Variants in AGBL4 observed in about 807,000 individuals in gnomAD.
AGBL4 encodes the protein cytosolic carboxypeptidase 6.
AGBL4 carries 58 observed loss-of-function variants against 66.4 expected under a neutral mutation model. The observed-to-expected ratio is 0.87, with a 90% CI of 0.71 to 1.09. The LOEUF (loss-of-function observed/expected upper bound fraction) is 1.09, where lower values mean the gene tolerates loss of function less well. Among genes scored for constraint, AGBL4 ranks in the 50% least tolerant of loss-of-function variants. The probability of loss-of-function intolerance (pLI) is 0.00; values close to 1 mark genes in which losing one functional copy is unlikely to be tolerated. For synonymous variants in AGBL4, 234 were observed against 222.9 expected (o/e 1.05, Z -0.44); for missense variants, 579 against 631.0 (o/e 0.92, Z 0.88).
intron 3 of AGBL4, among the ~76,000 whole-genome samples, chr1:49,262,747 C>T (rs956206154): frequency 5.6e-4 from 86 of 152,250 alleles, no homozygotes; most frequent in African/African-American, 1.1e-3. Flanking sequence ...GTCAGTGTGG[C>T]GATTCCTCAG....
chr1:48,797,194 T>TTTCTA (rs1645701207), intron 6 of AGBL4, among the ~76,000 whole-genome samples: 1 of 152,230 alleles, frequency 6.6e-6, no homozygotes, highest in South Asian at 2.1e-4. Flanking sequence ...TTCAGAATCC[T>TTTCTA]TTCTAATTAA....
intron 2 of AGBL4, among the ~76,000 whole-genome samples, chr1:49,835,677 C>T (rs1236520483): frequency 2.6e-5 from 4 of 152,132 alleles, no homozygotes; most frequent in Non-Finnish European, 5.9e-5. Flanking sequence ...CAATGGTCTT[C>T]ACAATTTGGT....
At chr1:48,852,015 C>CTTTTT (rs138826187) in intron 6 of AGBL4, among the ~76,000 whole-genome samples, 9 of 71,926 alleles carry the variant, frequency 1.3e-4, no homozygotes, top group East Asian at 3.8e-4. Context: ...CAGATACGTA[C>CTTTTT]TTTTTTTTTT....
chr1:49,432,819 A>G (rs954314494), intron 3 of AGBL4, among the ~76,000 whole-genome samples: 4 of 152,132 alleles, frequency 2.6e-5, no homozygotes, highest in African/African-American at 9.7e-5. Context: ...TTAATGATTG[A>G]TGGTCTAGAG....
At chr1:49,575,038 T>TA (rs1451812402) in intron 3 of AGBL4, among the ~76,000 whole-genome samples, 1 of 152,122 alleles carries the variant, frequency 6.6e-6, no homozygotes, top group African/African-American at 2.4e-5. Flanking sequence ...CTCACTACAT[T>TA]ACTGACAATT....
chr1:49,066,679 G>T (rs1644498181), intron 4 of AGBL4, among the ~76,000 whole-genome samples: 1 of 152,192 alleles, frequency 6.6e-6, no homozygotes, highest in Admixed American at 6.5e-5. Context: ...TTCTGGCTAA[G>T]TTTTAATCAG....
At chr1:48,919,562 C>CAAAG (rs1169029608) in intron 5 of AGBL4, among the ~76,000 whole-genome samples, 1 of 152,108 alleles carries the variant, frequency 6.6e-6, no homozygotes, top group Non-Finnish European at 1.5e-5. Flanking sequence ...ATGCACAGGT[C>CAAAG]AAAGAAAGAA....
rs548122074 is a variant in AGBL4, at chr1:49,987,945, C to A, written c.34+35818G>T. Among the ~76,000 whole-genome samples the A allele has an allele frequency of 3.3e-5, 5 of 150,004 alleles. 1 individual carries two copies. The highest frequency in any genetic ancestry group is 4.2e-4 in the South Asian group (2 of 4,774). On this transcript the variant is annotated intron_variant, in intron 1 of 13. Coordinates refer to ENST00000371839, the MANE Select transcript of AGBL4 (RefSeq NM_032785.4). ...ACACAAAGTACTGAAAAAACATGTA[C>A]GAATTTAACCAAAAAAAAAAACCCC...
chr1:49,372,611 CTTTCTT>C (rs1207462564), intron 3 of AGBL4, among the ~76,000 whole-genome samples: 843 of 9,938 alleles, frequency 0.085, 9 homozygotes, highest in Non-Finnish European at 0.12. Flanking sequence ...TTTTCTTTTT[CTTTCTT>C]TCTTTCTTTC....
chr1:48,695,180 G>A (rs1646695288), intron 6 of AGBL4, among the ~76,000 whole-genome samples: 1 of 152,186 alleles, frequency 6.6e-6, no homozygotes, highest in African/African-American at 2.4e-5. Flanking sequence ...CCTGCTGGAA[G>A]GTGTCTGCTT....
chr1:49,859,826 G>A (rs765587322), intron 1 of AGBL4, among the ~76,000 whole-genome samples: 8 of 151,878 alleles, frequency 5.3e-5, no homozygotes, highest in South Asian at 4.1e-4. Flanking sequence ...CAACAGAATT[G>A]TCTAGAGAAA....
intron 4 of AGBL4, among the ~76,000 whole-genome samples, chr1:49,239,857 G>C (rs929911917): frequency 6.6e-6 from 1 of 152,120 alleles, no homozygotes; most frequent in South Asian, 2.1e-4. Context: ...ATAATATATT[G>C]TAGTTTGCTG....
At position 49,865,217 on chromosome 1, in the gene AGBL4, G is replaced by A. The variant is rs568571068; in HGVS notation, c.35-13699C>T. 5.9e-5 allele frequency among the ~76,000 whole-genome samples: 9 copies of A among 152,304 alleles called. No individual in the cohort carries two copies. The South Asian group carries it at 1.7e-3, about 28-fold the overall frequency. ...GAATCTGGGCAGCCCAGATGAGTGA[G>A]ATTCGCCCCAGTGCAGACAGCCCCT... On this transcript the variant is annotated intron_variant, in intron 1 of 13. Transcript: ENST00000371839.
Position 49,197,379 on chromosome 1 carries a change from A to G in AGBL4, c.377+48391T>C, listed in dbSNP as rs544009816. Among the ~76,000 whole-genome samples, 53 of 152,206 alleles carry G rather than the reference A, an allele frequency of 3.5e-4. 1 individual carries two copies. The South Asian group carries it at 9.7e-3, about 28-fold the overall frequency. ...CTTATCTCTTTCCCAACCATGGTAC[A>G]CTTTGTGTTGGCAGATGTTGTATTA... On this transcript the variant is annotated intron_variant, in intron 4 of 13. Coordinates refer to ENST00000371839, the MANE Select transcript of AGBL4 (RefSeq NM_032785.4).
In AGBL4 at chr1:49,274,323, T is replaced by C. The variant is rs928334663; in HGVS notation, c.283-28459A>G. Among the ~76,000 whole-genome samples the C allele has an allele frequency of 2.0e-5, 3 of 152,164 alleles. No homozygotes were observed. In the East Asian group the frequency reaches 5.8e-4, roughly 29 times the overall value. Reference sequence around the variant, plus strand: ...CCAAGAGAGATATATTGGAATTATATAGTATGTTATAATCATATAAAAAAT... The same window carrying C: ...CCAAGAGAGATATATTGGAATTATACAGTATGTTATAATCATATAAAAAAT... On this transcript the variant is annotated intron_variant, in intron 3 of 13. Transcript: ENST00000371839.
At chr1:48,741,093 T>C (rs1328329970) in intron 6 of AGBL4, among the ~76,000 whole-genome samples, 1 of 152,196 alleles carries the variant, frequency 6.6e-6, no homozygotes, top group South Asian at 2.1e-4. Flanking sequence ...TCTGAAACTA[T>C]CCATCAGCCT....
At chr1:48,601,257 C>A (rs1645069174) in intron 9 of AGBL4, among the ~76,000 whole-genome samples, 1 of 152,188 alleles carries the variant, frequency 6.6e-6, no homozygotes, top group African/African-American at 2.4e-5. Flanking sequence ...TCAGTTTAAT[C>A]ACTTGAAATT....
intron 3 of AGBL4, among the ~76,000 whole-genome samples, chr1:49,381,555 A>C (rs1644610227): frequency 6.6e-6 from 1 of 152,196 alleles, no homozygotes; most frequent in African/African-American, 2.4e-5. Flanking sequence ...ACATATGTTT[A>C]TTACGGCGTT....
chr1:49,431,036 T>C (rs1334592249), intron 3 of AGBL4, among the ~76,000 whole-genome samples: 1 of 152,216 alleles, frequency 6.6e-6, no homozygotes, highest in African/African-American at 2.4e-5. Context: ...ATCCGTTGTA[T>C]TGCTGATGGA....
Sources: gnomAD v4.1 joint callset for allele counts (sites outside exome capture counted in the v4.1 genomes callset) on GRCh38, gnomAD v4.1.1 for gene constraint, MANE v1.5 for transcripts, NCBI Gene and HGNC (gene_info 2026-07-23, HGNC 2026-07-21) for gene names.